Variants in MITF observed in about 807,000 individuals in gnomAD.
MITF encodes the protein melanocyte inducing transcription factor.
MITF carries 17 observed loss-of-function variants against 60.5 expected under a neutral mutation model. The ratio of observed to expected loss-of-function variants is 0.28; its 90% CI spans 0.19 to 0.42. MITF has a LOEUF of 0.42. Ranked by LOEUF, MITF falls within the 10% of genes least tolerant of loss-of-function variation. The pLI is 1.00. For synonymous variants in MITF, 260 were observed against 248.5 expected, an observed-to-expected ratio of 1.05 and a Z score of -0.43; for missense variants, 622 against 683.5, an observed-to-expected ratio of 0.91 and a Z score of 1.00.
chr3:69,756,375 C>T (rs1704148751), intron 1 of MITF, among the ~76,000 whole-genome samples: 1 of 152,100 alleles, frequency 6.6e-6, no homozygotes, highest in African/African-American at 2.4e-5. Context: ...TGAGTGAGAA[C>T]ATGCAGTGTT....
intron 2 of MITF, among the ~76,000 whole-genome samples, chr3:69,920,804 T>C (rs2065449216): frequency 6.6e-6 from 1 of 152,194 alleles, no homozygotes; most frequent in African/African-American, 2.4e-5. Flanking sequence ...CTTTTATCTC[T>C]TTGTCTTGTG....
chr3:69,855,260 CAA>C (rs33962275), intron 1 of MITF, among the ~76,000 whole-genome samples: 309 of 84,586 alleles, frequency 3.7e-3, no homozygotes, highest in East Asian at 5.7e-3. Context: ...TTCCCATAAG[CAA>C]AAAAAAAAAA....
chr3:69,950,381 GT>G, intron 6 of MITF, among the ~76,000 whole-genome samples: 1 of 150,204 alleles, frequency 6.7e-6, no homozygotes, highest in Middle Eastern at 3.5e-3. Flanking sequence ...ATGCTTCTGT[GT>G]GAGGAAAAAA....
chr3:69,786,810 G>A (rs1043675306), intron 1 of MITF, among the ~76,000 whole-genome samples: 1 of 152,160 alleles, frequency 6.6e-6, no homozygotes, highest in African/African-American at 2.4e-5. Context: ...CATTCAGTTG[G>A]AAATGACCGA....
At chr3:69,866,374 T>G (rs1205947160) in intron 1 of MITF, 1 of 1,613,174 alleles carries the variant, frequency 6.2e-7, no homozygotes, top group African/African-American at 1.3e-5. Flanking sequence ...CTGGAAATAA[T>G]CCCGGGACCA....
At chr3:69,926,724 T>C (rs2065599665) in intron 2 of MITF, among the ~76,000 whole-genome samples, 1 of 152,170 alleles carries the variant, frequency 6.6e-6, no homozygotes, top group African/African-American at 2.4e-5. Context: ...TTGAACCACG[T>C]AATTGTGGCC....
At chr3:69,840,259 T>C (rs1354007059) in intron 1 of MITF, among the ~76,000 whole-genome samples, 1 of 152,182 alleles carries the variant, frequency 6.6e-6, no homozygotes, top group Non-Finnish European at 1.5e-5. Flanking sequence ...CAAAAGGCTG[T>C]GCCAGGAACA....
chr3:69,828,239 A>T (rs1041806160), intron 1 of MITF, among the ~76,000 whole-genome samples: 9 of 152,192 alleles, frequency 5.9e-5, no homozygotes, highest in African/African-American at 1.9e-4. Context: ...TTTCAGGATT[A>T]TGTGTACATA....
At chr3:69,839,658 T>G (rs911702903) in intron 1 of MITF, among the ~76,000 whole-genome samples, 1 of 152,012 alleles carries the variant, frequency 6.6e-6, no homozygotes, top group Non-Finnish European at 1.5e-5. Context: ...GGCCCACAGC[T>G]ATTCTGAATG....
intron 4 of MITF, among the ~76,000 whole-genome samples, 182 bp downstream of exon 4, chr3:69,939,363 G>A (rs2065918831): frequency 6.6e-6 from 1 of 151,484 alleles, no homozygotes; most frequent in African/African-American, 2.4e-5. Flanking sequence ...TAATGACAAG[G>A]GAGAATAAAC....
chr3:69,853,206 T>G (rs555669697), intron 1 of MITF, among the ~76,000 whole-genome samples: 2 of 152,172 alleles, frequency 1.3e-5, no homozygotes, highest in South Asian at 4.2e-4. Flanking sequence ...TTTCACCATG[T>G]CAGAATATCT....
At chr3:69,742,544 T>A (rs1559603389) in intron 1 of MITF, among the ~76,000 whole-genome samples, 1 of 152,138 alleles carries the variant, frequency 6.6e-6, no homozygotes, top group East Asian at 1.9e-4. Flanking sequence ...GCCAGGCTGG[T>A]CTCCTCACTG....
intron 1 of MITF, among the ~76,000 whole-genome samples, chr3:69,781,700 A>G (rs2062567065): frequency 1.3e-5 from 2 of 152,166 alleles, no homozygotes; most frequent in African/African-American, 4.8e-5. Flanking sequence ...GAAAAGGGTG[A>G]AAGCTCTATG....
chr3:69,741,156 G>A (rs1221792735), intron 1 of MITF, among the ~76,000 whole-genome samples: 2 of 152,080 alleles, frequency 1.3e-5, no homozygotes, highest in Admixed American at 6.5e-5. Context: ...CCTCATAATG[G>A]CTGTTTTGTG....
intron 2 of MITF, among the ~76,000 whole-genome samples, chr3:69,929,907 A>C (rs1216491766): frequency 6.6e-6 from 1 of 152,174 alleles, no homozygotes; most frequent in African/African-American, 2.4e-5. Context: ...GGTTGGATCC[A>C]GGGTATGAAA....
chr3:69,906,322 C>T (rs1470238826), intron 2 of MITF, among the ~76,000 whole-genome samples: 1 of 152,072 alleles, frequency 6.6e-6, no homozygotes, highest in Non-Finnish European at 1.5e-5. Context: ...TTCCTTGACA[C>T]CAATACCAAA....
At chr3:69,797,080 G>A (rs191082896) in intron 1 of MITF, among the ~76,000 whole-genome samples, 2 of 152,194 alleles carry the variant, frequency 1.3e-5, no homozygotes, top group Non-Finnish European at 2.9e-5. Flanking sequence ...TTTTTAATGG[G>A]AGTATGCAGG....
rs929289662 is a variant in MITF, at chr3:69,871,530, C to G, written c.105-7604C>G. On this transcript the variant is annotated intron_variant, in intron 1 of 9. Transcript: ENST00000352241. ...ATGTGGCCACCATAAATCATTACTG[C>G]TATGTGTAAGGTTGCCTGTTAAACC... 2.0e-5 allele frequency among the ~76,000 whole-genome samples: 3 copies of G among 152,200 alleles called. No homozygotes were observed. The East Asian group carries it at 5.8e-4, about 29-fold the overall frequency.
intron 2 of MITF, among the ~76,000 whole-genome samples, chr3:69,895,955 C>A (rs904351536): frequency 6.6e-6 from 1 of 151,704 alleles, no homozygotes; most frequent in African/African-American, 2.4e-5. Flanking sequence ...GATGCTAACA[C>A]CCCCCTTCCC....
Sources: gnomAD v4.1 joint callset for allele counts (sites outside exome capture counted in the v4.1 genomes callset) on GRCh38, gnomAD v4.1.1 for gene constraint, MANE v1.5 for transcripts, NCBI Gene and HGNC (gene_info 2026-07-23, HGNC 2026-07-21) for gene names.